CDK14: variants seen among roughly 807,000 people sequenced by gnomAD.
CDK14 encodes cyclin-dependent kinase 14.
A neutral mutation model predicts 60.7 loss-of-function variants in CDK14; 34 were observed. The ratio of observed to expected loss-of-function variants is 0.56; its 90% CI spans 0.43 to 0.75. The LOEUF is 0.75. CDK14 is among the 30% of genes least tolerant of loss of function. CDK14 has a pLI of 0.00. For missense variants in CDK14, 482 were observed against 564.1 expected, an observed-to-expected ratio of 0.85 and a Z score of 1.47; for synonymous variants, 197 against 203.7, an observed-to-expected ratio of 0.97 and a Z score of 0.28.
At chr7:91,117,851 G>C (rs1027669057) in intron 13 of CDK14, among the ~76,000 whole-genome samples, 1 of 152,156 alleles carries the variant, frequency 6.6e-6, no homozygotes, top group Non-Finnish European at 1.5e-5. Context: ...GATAGTCTGA[G>C]CTGTGGTTCT....
chr7:90,807,778 A>G (rs1169342923), intron 5 of CDK14, among the ~76,000 whole-genome samples: 5 of 152,230 alleles, frequency 3.3e-5, no homozygotes, highest in African/African-American at 1.2e-4. Flanking sequence ...AAAGGACCTG[A>G]TGGAGCTGAA....
chr7:90,784,153 T>G (rs765514643), intron 4 of CDK14, among the ~76,000 whole-genome samples: 4 of 152,154 alleles, frequency 2.6e-5, no homozygotes, highest in Non-Finnish European at 5.9e-5. Context: ...GGACATTAAC[T>G]TCGTAAATAA....
intron 5 of CDK14, among the ~76,000 whole-genome samples, chr7:90,838,144 T>C (rs113853334): frequency 6.6e-6 from 1 of 152,152 alleles, no homozygotes; most frequent in African/African-American, 2.4e-5. Context: ...TCATGAACAT[T>C]TATTAGTTCC....
chr7:91,026,737 C>T (rs60710173), intron 10 of CDK14, among the ~76,000 whole-genome samples: 14,500 of 152,190 alleles, frequency 0.095, 796 homozygotes, highest in African/African-American at 0.12. Context: ...CTGCGTAAAT[C>T]AGTGCTTCCC....
chr7:91,133,222 A>G (rs200999973), intron 14 of CDK14, among the ~76,000 whole-genome samples: 1 of 152,138 alleles, frequency 6.6e-6, no homozygotes, highest in African/African-American at 2.4e-5. Flanking sequence ...GAATAAATTC[A>G]TACTCCTGTC....
At chr7:90,612,043 G>A (rs1398834495) in intron 2 of CDK14, among the ~76,000 whole-genome samples, 1 of 152,022 alleles carries the variant, frequency 6.6e-6, no homozygotes, top group Non-Finnish European at 1.5e-5. Context: ...AGGTTGGCTA[G>A]GTTGGTCATA....
intron 2 of CDK14, among the ~76,000 whole-genome samples, chr7:90,712,252 A>G (rs550169537): frequency 1.3e-5 from 2 of 152,000 alleles, no homozygotes; most frequent in South Asian, 4.2e-4. Flanking sequence ...GAACTTTTTC[A>G]TCAACCCAAA....
intron 2 of CDK14, among the ~76,000 whole-genome samples, chr7:90,667,138 C>G (rs17772602): frequency 0.31 from 46,398 of 151,864 alleles, 7,963 homozygotes; most frequent in East Asian, 0.67. Flanking sequence ...AAAGCATAGC[C>G]AAGAAATCAT....
intron 11 of CDK14, among the ~76,000 whole-genome samples, chr7:91,056,195 G>A (rs1797549519): frequency 6.6e-6 from 1 of 152,098 alleles, no homozygotes; most frequent in Admixed American, 6.5e-5. Flanking sequence ...GTATCTTTAG[G>A]GAAGAAGTGG....
intron 14 of CDK14, among the ~76,000 whole-genome samples, chr7:91,142,966 T>C (rs1800512089): frequency 6.6e-6 from 1 of 152,222 alleles, no homozygotes; most frequent in Non-Finnish European, 1.5e-5. Context: ...CAGTTTACAG[T>C]GCAGTAGATG....
At chr7:90,731,170 G>A (rs1174462605) in intron 3 of CDK14, among the ~76,000 whole-genome samples, 1 of 152,152 alleles carries the variant, frequency 6.6e-6, no homozygotes, top group Admixed American at 6.6e-5. Flanking sequence ...TTGTAGATGT[G>A]TGGTGTTATT....
chr7:90,701,008 C>T (rs1801774010), intron 2 of CDK14, among the ~76,000 whole-genome samples: 1 of 152,164 alleles, frequency 6.6e-6, no homozygotes, highest in African/African-American at 2.4e-5. Context: ...TTTACAATGT[C>T]TTCTTAGCAC....
chr7:90,892,772 G>C (rs1792175489), intron 6 of CDK14, among the ~76,000 whole-genome samples: 1 of 152,006 alleles, frequency 6.6e-6, no homozygotes. Flanking sequence ...AGAGGATACT[G>C]GGTTTTTTGT....
rs1402515610 is a variant in CDK14, at chr7:91,207,714, G to C, written c.*578G>C. On this transcript the variant is annotated 3_prime_UTR_variant, in exon 15 of 15. Transcript: ENST00000380050. ...GGGCCCCACCTGTTGCTTACCTTTT[G>C]AGGTAATTTTGCAAATGTGGTTTTT... is the stretch of plus-strand genomic sequence containing the variant. 6.6e-6 allele frequency: 1 copy of C among 152,620 alleles called. No homozygotes were observed. Among genetic ancestry groups the C allele is most frequent in the Non-Finnish European group, 1.5e-5 (1 of 68,040 alleles). The allele number at this position is 152,620 out of a possible 1,614,324, so 9.5% of individuals were successfully genotyped here. A position where few individuals can be genotyped will look rare whatever the true frequency, so the allele number is the denominator to read the frequency against.
intron 8 of CDK14, among the ~76,000 whole-genome samples, chr7:90,941,856 A>G (rs1793946817): frequency 6.6e-6 from 1 of 152,260 alleles, no homozygotes; most frequent in Non-Finnish European, 1.5e-5. Flanking sequence ...ATGCCACCAT[A>G]CAAGTGCCTG....
chr7:90,820,458 C>T (rs1184618676), intron 5 of CDK14, among the ~76,000 whole-genome samples: 1 of 152,118 alleles, frequency 6.6e-6, no homozygotes, highest in East Asian at 1.9e-4. Context: ...TGAGTGACTT[C>T]TTATGAGAGC....
chr7:90,776,307 T>A (rs1318579070), intron 4 of CDK14, among the ~76,000 whole-genome samples: 1 of 152,218 alleles, frequency 6.6e-6, no homozygotes, highest in Non-Finnish European at 1.5e-5. Flanking sequence ...CCTCAAGGGC[T>A]GTATGCATGT....
chr7:90,733,222 C>T (rs1328143830), intron 3 of CDK14, among the ~76,000 whole-genome samples: 3 of 152,066 alleles, frequency 2.0e-5, no homozygotes, highest in Non-Finnish European at 4.4e-5. Context: ...GATTTCCATT[C>T]TTTTGCATTT....
At chr7:91,089,621 G>A (rs1178345416) in intron 12 of CDK14, among the ~76,000 whole-genome samples, 1 of 150,696 alleles carries the variant, frequency 6.6e-6, no homozygotes, top group Non-Finnish European at 1.5e-5. Flanking sequence ...TATGAGATAC[G>A]CAGCTATATA....
Sources: gnomAD v4.1 joint callset for allele counts (sites outside exome capture counted in the v4.1 genomes callset) on GRCh38, gnomAD v4.1.1 for gene constraint, MANE v1.5 for transcripts, NCBI Gene and HGNC (gene_info 2026-07-23, HGNC 2026-07-21) for gene names.